Variants in MALRD1 observed in about 807,000 individuals in gnomAD.
The protein encoded by MALRD1 is MAM and LDL-receptor class A domain-containing protein 1.
A neutral mutation model predicts 242.1 loss-of-function variants in MALRD1; 247 were observed. The observed-to-expected ratio is 1.02, with a 90% CI of 0.92 to 1.13. The LOEUF is 1.13. Among genes scored for constraint, MALRD1 ranks in the 50% most tolerant of loss-of-function variants. The pLI is 0.00. For missense variants in MALRD1, 2,989 were observed against 2,533.1 expected, an observed-to-expected ratio of 1.18 and a Z score of -3.86; for synonymous variants, 995 against 866.6, an observed-to-expected ratio of 1.15 and a Z score of -2.60.
chr10:19,589,769 C>G (rs1837663689), intron 33 of MALRD1, among the ~76,000 whole-genome samples: 1 of 152,174 alleles, frequency 6.6e-6, no homozygotes, highest in Non-Finnish European at 1.5e-5. Context: ...ATCTACATTT[C>G]TTTTGTACAT....
chr10:19,212,060 G>C (rs991271780), intron 18 of MALRD1, among the ~76,000 whole-genome samples: 1 of 152,088 alleles, frequency 6.6e-6, no homozygotes, highest in Admixed American at 6.6e-5. Context: ...TAAAGGCTCA[G>C]GAAATCATTA....
intron 38 of MALRD1, chr10:19,721,594 A>G (rs931334631): frequency 6.6e-6 from 1 of 152,230 alleles, no homozygotes; most frequent in Non-Finnish European, 1.5e-5. Context: ...AATTCACTTG[A>G]AGACCTTGAT....
At chr10:19,513,074 T>C (rs1833473651) in intron 31 of MALRD1, among the ~76,000 whole-genome samples, 1 of 152,184 alleles carries the variant, frequency 6.6e-6, no homozygotes, top group African/African-American at 2.4e-5. Context: ...TGTGTTCACT[T>C]AAATTGCATA....
chr10:19,657,051 TC>T (rs1179721190), intron 36 of MALRD1, among the ~76,000 whole-genome samples: 1 of 152,138 alleles, frequency 6.6e-6, no homozygotes, highest in African/African-American at 2.4e-5. Flanking sequence ...TTTGTATCCT[TC>T]CCTCCATCCA....
chr10:19,334,929 T>C (rs76057868), intron 24 of MALRD1, among the ~76,000 whole-genome samples: 4,230 of 152,220 alleles, frequency 0.028, 82 homozygotes, highest in Non-Finnish European at 0.041. Flanking sequence ...ATTCAAGGTA[T>C]CATTTTATTT....
intron 19 of MALRD1, among the ~76,000 whole-genome samples, chr10:19,279,162 G>A (rs1840684825): frequency 6.6e-6 from 1 of 152,170 alleles, no homozygotes; most frequent in African/African-American, 2.4e-5. Context: ...GTAATGAGTT[G>A]TTTGGCATGA....
At chr10:19,172,113 GTATATACATA>G (rs1835035564) in intron 13 of MALRD1, among the ~76,000 whole-genome samples, 1 of 136,150 alleles carries the variant, frequency 7.3e-6, no homozygotes, top group South Asian at 2.3e-4. Flanking sequence ...GTTTGGTTAT[GTATATACATA>G]TATACACATA....
intron 24 of MALRD1, among the ~76,000 whole-genome samples, chr10:19,339,907 T>C (rs1843770587): frequency 6.6e-6 from 1 of 152,082 alleles, no homozygotes; most frequent in Admixed American, 6.6e-5. Flanking sequence ...AAACTTACAA[T>C]CACAGTGGAA....
intron 29 of MALRD1, among the ~76,000 whole-genome samples, chr10:19,465,123 G>T (rs541685997): frequency 1.3e-5 from 2 of 152,182 alleles, no homozygotes; most frequent in African/African-American, 4.8e-5. Flanking sequence ...AGTCTTTAGG[G>T]TTCTCTAGGT....
At chr10:19,133,242 A>AAC (rs1297303881) in intron 8 of MALRD1, among the ~76,000 whole-genome samples, 1 of 152,200 alleles carries the variant, frequency 6.6e-6, no homozygotes, top group East Asian at 1.9e-4. Flanking sequence ...TAGATTTTGC[A>AAC]ATCTGAAAAA....
At position 19,143,064 on chromosome 10, in the gene MALRD1, A is replaced by G. The variant is rs544105693; in HGVS notation, c.1412-3134A>G. Among the ~76,000 whole-genome samples, 237 of 152,362 alleles carry G rather than the reference A, an allele frequency of 1.6e-3. 1 individual carries two copies. Among genetic ancestry groups the G allele is most frequent in the Non-Finnish European group, 2.7e-3 (183 of 68,040 alleles). Reference sequence around the variant, plus strand: ...CACCATGTTGCTTTCACACATCTTTATGGTGACGGATTTTGAAAGCTAATT... The same window carrying G: ...CACCATGTTGCTTTCACACATCTTTGTGGTGACGGATTTTGAAAGCTAATT... On this transcript the variant is annotated intron_variant, in intron 10 of 39. Coordinates refer to ENST00000454679, the MANE Select transcript of MALRD1 (RefSeq NM_001142308.3).
intron 36 of MALRD1, among the ~76,000 whole-genome samples, chr10:19,670,887 T>G (rs544082490): frequency 6.6e-6 from 1 of 151,538 alleles, no homozygotes. Context: ...TCATTTTTTT[T>G]TTTTTTTTTG....
chr10:19,479,797 C>T (rs1836904144), intron 29 of MALRD1, among the ~76,000 whole-genome samples: 1 of 152,174 alleles, frequency 6.6e-6, no homozygotes, highest in Admixed American at 6.5e-5. Context: ...GGGACCCAGG[C>T]CTTCAATCCC....
At chr10:19,075,033 A>G (rs901228938) in intron 2 of MALRD1, among the ~76,000 whole-genome samples, 1 of 151,968 alleles carries the variant, frequency 6.6e-6, no homozygotes, top group Non-Finnish European at 1.5e-5. Flanking sequence ...GTAGATGTCA[A>G]TTTTCTGCAT....
chr10:19,402,455 A>G (rs1195392925), intron 28 of MALRD1, among the ~76,000 whole-genome samples: 1 of 152,098 alleles, frequency 6.6e-6, no homozygotes, highest in East Asian at 1.9e-4. Context: ...TCGGAGCACA[A>G]GCTCTCCTGC....
At chr10:19,373,203 C>CAAAAAAAAAAAAAAATA in intron 26 of MALRD1, among the ~76,000 whole-genome samples, 1 of 114,878 alleles carries the variant, frequency 8.7e-6, no homozygotes, top group Non-Finnish European at 1.8e-5. Flanking sequence ...ACGCTAAATA[C>CAAAAAAAAAAAAAAATA]AAAAAAAAAA....
intron 1 of MALRD1, among the ~76,000 whole-genome samples, chr10:19,054,185 T>A (rs1039572578): frequency 6.6e-6 from 1 of 152,230 alleles, no homozygotes; most frequent in African/African-American, 2.4e-5. Flanking sequence ...ACATTGCTTC[T>A]GTGCTGACTC....
At chr10:19,313,351 C>T (rs554274336) in intron 21 of MALRD1, among the ~76,000 whole-genome samples, 7 of 150,796 alleles carry the variant, frequency 4.6e-5, no homozygotes, top group African/African-American at 9.7e-5. Context: ...ACTTAAAAGC[C>T]GCCTCCTAAC....
rs1589004292 is a variant in MALRD1 at position 19,387,647 on chromosome 10, T to A, written c.4561T>A (p.Cys1521Ser). The change falls in exon 27 of 40, where the codon TGT becomes AGT. Residue 1521 changes from cysteine to serine, a missense_variant. Transcript: ENST00000454679. The part of the protein sequence containing the change: ...NTDENECGSS[C>S]TFEKGWCGWQ... ...TGATGAAAATGAGTGTGGTAGCTCC[T>A]GTACTTTTGAAAAAGGCTGGTGTGG... 6.5e-7 allele frequency: 1 copy of A among 1,550,376 alleles called. No homozygotes were observed. Among genetic ancestry groups the A allele is most frequent in the South Asian group, 1.2e-5 (1 of 84,064 alleles).
Sources: allele counts gnomAD v4.1 joint callset (sites outside exome capture counted in the v4.1 genomes callset), GRCh38; gene constraint gnomAD v4.1.1; transcripts MANE v1.5; gene names NCBI Gene and HGNC (gene_info 2026-07-23, HGNC 2026-07-21).